GHR: variants seen among roughly 807,000 people sequenced by gnomAD.
GHR encodes the protein GH receptor.
GHR carries 35 observed loss-of-function variants against 67.1 expected under a neutral mutation model. That is an observed-to-expected ratio of 0.52 (90% confidence interval 0.40 to 0.69). GHR has a LOEUF of 0.69. Among genes scored for constraint, GHR ranks in the 30% least tolerant of loss-of-function variants. The probability of loss-of-function intolerance (pLI) is 0.00; values close to 1 mark genes in which losing one functional copy is unlikely to be tolerated. For synonymous variants in GHR, 272 were observed against 269.1 expected (o/e 1.01, Z -0.10); for missense variants, 792 against 764.6 (o/e 1.04, Z -0.42).
intron 1 of GHR, among the ~76,000 whole-genome samples, chr5:42,556,522 A>G (rs1749318495): frequency 6.6e-6 from 1 of 152,210 alleles, no homozygotes; most frequent in Non-Finnish European, 1.5e-5. Flanking sequence ...AGCCACGTGT[A>G]GAAAGAGAAA....
chr5:42,546,120 T>C (rs577611072), intron 1 of GHR, among the ~76,000 whole-genome samples: 1 of 152,316 alleles, frequency 6.6e-6, no homozygotes, highest in East Asian at 1.9e-4. Flanking sequence ...TTCTTTATGG[T>C]ATCAAGAATA....
At position 42,720,785 on chromosome 5, in the gene GHR, AAAG is replaced by A. The variant is rs1758981791; in HGVS notation, c.*1368_*1370del. On this transcript the variant is annotated 3_prime_UTR_variant, in exon 10 of 10. Coordinates refer to ENST00000230882, the MANE Select transcript of GHR (RefSeq NM_000163.5). ...TTTATAGGATTTATTTAAAATAGCA[AAAG>A]AAGAAGTTTCATCATTTTTTACTTC... 1 of 152,246 alleles carries A rather than the reference AAAG, an allele frequency of 6.6e-6. No homozygotes were observed. Among genetic ancestry groups the A allele is most frequent in the Non-Finnish European group, 1.5e-5 (1 of 68,044 alleles). The allele number at this position is 152,246 out of a possible 1,614,324, so 9.4% of individuals were successfully genotyped here.
intron 8 of GHR, among the ~76,000 whole-genome samples, chr5:42,716,790 T>G (rs1443643483): frequency 6.6e-6 from 1 of 152,158 alleles, no homozygotes; most frequent in Non-Finnish European, 1.5e-5. Flanking sequence ...TTACTTGGAT[T>G]AGGTAAAATA....
At chr5:42,534,146 A>G (rs1294170412) in intron 1 of GHR, among the ~76,000 whole-genome samples, 2 of 147,892 alleles carry the variant, frequency 1.4e-5, no homozygotes, top group African/African-American at 2.5e-5. Flanking sequence ...ATATGTATAT[A>G]TGTATGTATA....
chr5:42,516,019 G>A (rs1747221105), intron 1 of GHR, among the ~76,000 whole-genome samples: 1 of 152,124 alleles, frequency 6.6e-6, no homozygotes. Context: ...AGTTTTTAGA[G>A]GGGGCACAGA....
chr5:42,474,295 G>GAGAAAGAAAGAAAGAAAAGAAAGAA (rs1554054586), intron 1 of GHR, among the ~76,000 whole-genome samples: 3 of 81,112 alleles, frequency 3.7e-5, no homozygotes, highest in Admixed American at 1.4e-4. Context: ...AAAAGAGAAA[G>GAGAAAGAAAGAAAGAAAAGAAAGAA]AGAAAGAAAG....
chr5:42,534,452 A>T (rs1486453862), intron 1 of GHR, among the ~76,000 whole-genome samples: 1 of 140,956 alleles, frequency 7.1e-6, no homozygotes, highest in Non-Finnish European at 1.5e-5. Context: ...ATGTGTATAT[A>T]TGTATGTATA....
At chr5:42,529,279 G>A (rs947561341) in intron 1 of GHR, among the ~76,000 whole-genome samples, 6 of 152,012 alleles carry the variant, frequency 3.9e-5, no homozygotes, top group Non-Finnish European at 8.8e-5. Flanking sequence ...CCAAAGTGCT[G>A]GTATTACAGG....
At chr5:42,625,931 T>C (rs371096453) in intron 2 of GHR, among the ~76,000 whole-genome samples, 1 of 152,264 alleles carries the variant, frequency 6.6e-6, no homozygotes, top group East Asian at 1.9e-4. Flanking sequence ...TTGGGGCTAA[T>C]ATTTTTTCCT....
At chr5:42,603,794 T>A (rs1580034797) in intron 2 of GHR, among the ~76,000 whole-genome samples, 1 of 152,216 alleles carries the variant, frequency 6.6e-6, no homozygotes, top group African/African-American at 2.4e-5. Context: ...AATACCAGTT[T>A]GGTGTCCTCT....
intron 1 of GHR, among the ~76,000 whole-genome samples, chr5:42,552,154 T>C (rs1416466861): frequency 6.6e-6 from 1 of 152,232 alleles, no homozygotes; most frequent in Non-Finnish European, 1.5e-5. Flanking sequence ...TCCTGAGTTA[T>C]GTTGTGGTGG....
chr5:42,464,974 A>G (rs1291793562), intron 1 of GHR, among the ~76,000 whole-genome samples: 4 of 152,220 alleles, frequency 2.6e-5, no homozygotes, highest in Non-Finnish European at 5.9e-5. Context: ...ATAAAAAAGG[A>G]AGAGATTCTC....
intron 3 of GHR, among the ~76,000 whole-genome samples, chr5:42,639,054 A>G (rs534008324): frequency 6.6e-6 from 1 of 152,312 alleles, no homozygotes; most frequent in Admixed American, 6.5e-5. Context: ...CATATCATTC[A>G]GTATTATTAA....
Position 42,719,497 on chromosome 5 carries a change from A to G in GHR, c.*73A>G. On this transcript the variant is annotated 3_prime_UTR_variant, in exon 10 of 10. Coordinates refer to ENST00000230882, the MANE Select transcript of GHR (RefSeq NM_000163.5). ...ACTGGGGCAATAACGTTTAAGCCAAAACAATGTTTAAACCTTTTTTGGGGG... is the reference window on the plus strand; with the variant it reads ...ACTGGGGCAATAACGTTTAAGCCAAGACAATGTTTAAACCTTTTTTGGGGG... The G allele has an allele frequency of 6.9e-7, 1 of 1,445,428 alleles. No individual in the cohort carries two copies. Among genetic ancestry groups the G allele is most frequent in the Non-Finnish European group, 9.6e-7 (1 of 1,038,344 alleles). 89.5% of individuals were successfully genotyped at this position (1,445,428 alleles called of 1,614,324 possible).
chr5:42,459,272 T>A (rs2112036075), intron 1 of GHR, among the ~76,000 whole-genome samples: 1 of 152,284 alleles, frequency 6.6e-6, no homozygotes, highest in Admixed American at 6.5e-5. Context: ...TAAATGTCCT[T>A]CAATAGTAGA....
intron 3 of GHR, among the ~76,000 whole-genome samples, chr5:42,658,817 T>A (rs769331127): frequency 3.3e-5 from 5 of 152,098 alleles, no homozygotes; most frequent in Non-Finnish European, 5.9e-5. Context: ...AAAATACCAA[T>A]AGTGTGGAAG....
rs1012873417 is a variant in GHR, at chr5:42,533,856, A to T, written c.-11-32008A>T. ...CCCACCCTTCCCCCAAAGTCCCCAA[A>T]TTCCATTGTATCATTCTTATGCCTT... is the stretch of plus-strand genomic sequence containing the variant. On this transcript the variant is annotated intron_variant, in intron 1 of 9. Coordinates refer to ENST00000230882, the MANE Select transcript of GHR (RefSeq NM_000163.5). Among the ~76,000 whole-genome samples, 29 of 151,058 alleles carry T rather than the reference A, an allele frequency of 1.9e-4. 2 individuals are homozygous for T. Among genetic ancestry groups the T allele is most frequent in the African/African-American group, 6.3e-4 (26 of 41,126 alleles).
chr5:42,686,641 A>C (rs996938919), intron 3 of GHR, among the ~76,000 whole-genome samples: 2 of 152,214 alleles, frequency 1.3e-5, no homozygotes, highest in African/African-American at 4.8e-5. Context: ...TTCATGCTAA[A>C]AACTCTCAAT....
chr5:42,481,644 C>T (rs1015482383), intron 1 of GHR, among the ~76,000 whole-genome samples: 5 of 152,120 alleles, frequency 3.3e-5, no homozygotes, highest in African/African-American at 7.2e-5. Context: ...CATCTTCCAT[C>T]ACTGATACCC....
Sources: allele counts gnomAD v4.1 joint callset (sites outside exome capture counted in the v4.1 genomes callset), GRCh38; gene constraint gnomAD v4.1.1; transcripts MANE v1.5; gene names NCBI Gene and HGNC (gene_info 2026-07-23, HGNC 2026-07-21).